Variants in FAM13A observed in about 807,000 individuals in gnomAD.
The protein encoded by FAM13A is family with sequence similarity 13 member A, also known as protein FAM13A.
FAM13A carries 76 observed loss-of-function variants against 129.6 expected under a neutral mutation model. The observed-to-expected ratio is 0.59, with a 90% CI of 0.49 to 0.71. The LOEUF (loss-of-function observed/expected upper bound fraction) is 0.71, where lower values mean the gene tolerates loss of function less well. FAM13A is among the 30% of genes least tolerant of loss of function. The probability of loss-of-function intolerance (pLI) is 0.00; values close to 1 mark genes in which losing one functional copy is unlikely to be tolerated. For synonymous variants in FAM13A, 443 were observed against 449.9 expected, an observed-to-expected ratio of 0.98 and a Z score of 0.20; for missense variants, 1,108 against 1,249.3, an observed-to-expected ratio of 0.89 and a Z score of 1.70.
chr4:88,805,124 C>T (rs761620871), intron 7 of FAM13A, 72 bp from the exon 8 acceptor site: 6 of 834,294 alleles, frequency 7.2e-6, no homozygotes, highest in Non-Finnish European at 1.2e-5. Context: ...TAAAAATGTT[C>T]TACCTGTAAA....
At chr4:88,985,376 C>T (rs1762108636) in intron 4 of FAM13A, among the ~76,000 whole-genome samples, 1 of 152,042 alleles carries the variant, frequency 6.6e-6, no homozygotes, top group Non-Finnish European at 1.5e-5. Context: ...TATAAGTGAC[C>T]GTGGTGATGG....
intron 3 of FAM13A, among the ~76,000 whole-genome samples, chr4:88,994,854 T>TGA: frequency 7.2e-6 from 1 of 139,500 alleles, no homozygotes; most frequent in South Asian, 2.3e-4. Context: ...AAAAAAAATT[T>TGA]CCTAATAATT....
intron 3 of FAM13A, among the ~76,000 whole-genome samples, chr4:89,016,808 AAT>A (rs1487838025): frequency 6.6e-6 from 1 of 151,626 alleles, no homozygotes; most frequent in African/African-American, 2.4e-5. Flanking sequence ...CTAATTTCTT[AAT>A]TTTCTGTAGA....
intron 4 of FAM13A, among the ~76,000 whole-genome samples, chr4:88,955,009 T>C (rs1334710006): frequency 1.3e-5 from 2 of 152,170 alleles, no homozygotes; most frequent in Non-Finnish European, 2.9e-5. Context: ...CATCAGGATA[T>C]TACTCTGTCA....
At chr4:88,955,888 C>CA (rs1380805513) in intron 4 of FAM13A, among the ~76,000 whole-genome samples, 1 of 151,820 alleles carries the variant, frequency 6.6e-6, no homozygotes, top group Non-Finnish European at 1.5e-5. Context: ...CCTGATGATG[C>CA]AATAGAAAAG....
intron 13 of FAM13A, 142 bp downstream of exon 13, chr4:88,767,411 G>A (rs769573936): frequency 6.3e-6 from 3 of 473,944 alleles, no homozygotes; most frequent in Non-Finnish European, 7.3e-6. Context: ...GAATCTTTAA[G>A]TTTGGTATTT....
At position 88,865,878 on chromosome 4, in the gene FAM13A, C is replaced by CTTTTT. The variant is rs34865210; in HGVS notation, c.844-14700_844-14696dup. On this transcript the variant is annotated intron_variant, in intron 6 of 23. Coordinates refer to ENST00000264344, the MANE Select transcript of FAM13A (RefSeq NM_014883.4). ...TTTCAACTTTTTCCTTTGTCTCTCT[C>CTTTTT]TTTTTTTTTTTTTTTTTTTTTTTTT... Among the ~76,000 whole-genome samples, 73 of 83,224 alleles carry CTTTTT rather than the reference C, an allele frequency of 8.8e-4. 1 individual carries two copies. The highest frequency in any genetic ancestry group is 1.2e-3 in the African/African-American group (24 of 19,400). 54.6% of individuals were successfully genotyped at this position (83,224 alleles called of 152,430 possible).
At position 88,991,014 on chromosome 4, in the gene FAM13A, A is replaced by G; in HGVS notation, c.564T>C (p.Asn188=). 1.2e-6 allele frequency: 2 copies of G among 1,614,178 alleles called. No homozygotes were observed. The highest frequency in any genetic ancestry group is 2.2e-5 in the South Asian group (2 of 91,084). Residue 188 remains asparagine (N), a synonymous_variant, in exon 4 of 24, where the codon AAT becomes AAC. Coordinates refer to ENST00000264344, the MANE Select transcript of FAM13A (RefSeq NM_014883.4). ...CAAATACAGTGGCGAGATTGTGAAC[A>G]TTCATGCGATTCTGCACATGATGCT... The part of the protein sequence containing the change: ...VAKHHVQNRM[N]VHNLATVFGP...
At chr4:88,947,126 C>CAA (rs1054097303) in intron 4 of FAM13A, among the ~76,000 whole-genome samples, 2 of 152,114 alleles carry the variant, frequency 1.3e-5, no homozygotes, top group African/African-American at 4.8e-5. Flanking sequence ...AATGAAGTCC[C>CAA]AACTGGGAGC....
intron 21 of FAM13A, 185 bp from the exon 22 acceptor site, chr4:88,732,383 C>T (rs1738023447): frequency 4.4e-6 from 2 of 452,374 alleles, no homozygotes; most frequent in Non-Finnish European, 7.7e-6. Context: ...TAAATATACA[C>T]ATTTAATAAC....
chr4:88,901,674 A>G (rs1420533733), intron 6 of FAM13A, among the ~76,000 whole-genome samples: 1 of 150,518 alleles, frequency 6.6e-6, no homozygotes, highest in Non-Finnish European at 1.5e-5. Context: ...TAAATGCCTA[A>G]CATCACAACT....
intron 4 of FAM13A, among the ~76,000 whole-genome samples, chr4:88,946,173 T>C (rs1447447566): frequency 2.0e-5 from 3 of 150,922 alleles, no homozygotes; most frequent in African/African-American, 7.3e-5. Context: ...CTATTCCCCT[T>C]ACCTAATTAA....
chr4:88,873,516 T>C (rs1579057993), intron 6 of FAM13A, among the ~76,000 whole-genome samples: 1 of 152,296 alleles, frequency 6.6e-6, no homozygotes, highest in East Asian at 1.9e-4. Flanking sequence ...TAAATACCTC[T>C]AGGCAAATAA....
chr4:88,834,848 A>C (rs1014074449), intron 7 of FAM13A, among the ~76,000 whole-genome samples: 4 of 151,926 alleles, frequency 2.6e-5, no homozygotes, highest in Admixed American at 6.6e-5. Context: ...AAATACTATT[A>C]TCTCTCTCTT....
intron 19 of FAM13A, among the ~76,000 whole-genome samples, chr4:88,744,306 A>G (rs1298429604): frequency 1.3e-5 from 2 of 152,176 alleles, no homozygotes; most frequent in Admixed American, 1.3e-4. Context: ...TATTTACTGC[A>G]CTTCTGTGAC....
At chr4:89,022,490 T>C (rs2149112627) in intron 2 of FAM13A, among the ~76,000 whole-genome samples, 1 of 152,304 alleles carries the variant, frequency 6.6e-6, no homozygotes, top group South Asian at 2.1e-4. Context: ...CTAGGGATGA[T>C]ATTAAAAGTA....
At chr4:88,809,233 A>C (rs1371567688) in intron 7 of FAM13A, among the ~76,000 whole-genome samples, 1 of 152,100 alleles carries the variant, frequency 6.6e-6, no homozygotes, top group African/African-American at 2.4e-5. Flanking sequence ...AAGTACCCAG[A>C]ATGGATCTTC....
chr4:88,891,942 C>T lies in FAM13A; in HGVS notation c.843+14437G>A, dbSNP rs191825180. Among the ~76,000 whole-genome samples the T allele has an allele frequency of 2.3e-3, 357 of 152,126 alleles. 1 individual carries two copies. Among genetic ancestry groups the T allele is most frequent in the African/African-American group, 8.2e-3 (340 of 41,538 alleles). On this transcript the variant is annotated intron_variant, in intron 6 of 23. Transcript: ENST00000264344. ...CTGTAATCCCAGCACTTTGGGAGGC[C>T]GAGGTGGGAGGAGTGCTTAAAGCCA...
intron 4 of FAM13A, chr4:88,990,564 A>T (rs1762806665): frequency 6.5e-6 from 1 of 154,550 alleles, no homozygotes; most frequent in African/African-American, 2.4e-5. Context: ...TATTTTTCTG[A>T]TACTGGCATA....
Sources: allele counts gnomAD v4.1 joint callset (sites outside exome capture counted in the v4.1 genomes callset), GRCh38; gene constraint gnomAD v4.1.1; transcripts MANE v1.5; gene names NCBI Gene and HGNC (gene_info 2026-07-23, HGNC 2026-07-21).